Variants in TELO2 observed in about 807,000 individuals in gnomAD.
TELO2 encodes telomere maintenance 2, also known as telomere length regulation protein TEL2 homolog.
Under a neutral mutation model 91.0 loss-of-function variants are expected in TELO2, and 71 were observed. That is an observed-to-expected ratio of 0.78 (90% CI 0.64 to 0.95). TELO2 has a LOEUF of 0.95. Ranked by LOEUF, TELO2 falls within the 40% of genes least tolerant of loss-of-function variation. The pLI is 0.00. For missense variants in TELO2, 1,183 were observed against 1,141.3 expected (o/e 1.04, Z -0.53); for synonymous variants, 584 against 518.9 (o/e 1.13, Z -1.71).
chr16:1,506,245 C>G lies in TELO2; in HGVS notation c.2042C>G (p.Pro681Arg). 1 of 1,613,628 alleles carries G rather than the reference C, an allele frequency of 6.2e-7. No individual in the cohort carries two copies. Residue 681 changes from proline (P) to arginine (R), a missense_variant, in exon 17 of 21, where the codon CCG becomes CGG. Pro to Arg is a moderately radical substitution (Grantham distance 103, BLOSUM62 -2). Coordinates refer to ENST00000262319, the MANE Select transcript of TELO2 (RefSeq NM_016111.4). Reference sequence around the variant, plus strand: ...TGTAGTTGTGTCTGGCAGGGTGGCCCGAGGCAGGGCCCGGCAGGCAGCCCC... The same window carrying G: ...TGTAGTTGTGTCTGGCAGGGTGGCCGGAGGCAGGGCCCGGCAGGCAGCCCC... ...SKTQRLSKGGPRQGPAGSPSR... is the reference protein window; with the variant it reads ...SKTQRLSKGGRRQGPAGSPSR...
chr16:1,502,947 C>A lies in TELO2; in HGVS notation c.1787C>A (p.Thr596Asn). Reference sequence around the variant, plus strand: ...TGTCCTCAGGTGGCCGACTATCTGACCTCACAGTTCTATGCCCTCAACTAC... The same window carrying A: ...TGTCCTCAGGTGGCCGACTATCTGAACTCACAGTTCTATGCCCTCAACTAC... ...TDPAPVADYL[T>N]SQFYALNYSL... The change falls in exon 15 of 21, where the codon ACC (threonine) becomes AAC (asparagine). Residue 596 changes from threonine (T) to asparagine (N), a missense_variant. Coordinates refer to ENST00000262319, the MANE Select transcript of TELO2 (RefSeq NM_016111.4). 1 of 1,611,436 alleles carries A rather than the reference C, an allele frequency of 6.2e-7. No individual in the cohort carries two copies. The highest frequency in any genetic ancestry group is 1.1e-5 in the South Asian group (1 of 91,092).
In TELO2 at chr16:1,505,563, G is replaced by A; in HGVS notation, c.1996G>A (p.Glu666Lys). 2 of 1,612,254 alleles carry A rather than the reference G, an allele frequency of 1.2e-6. No individual in the cohort carries two copies. The highest frequency in any genetic ancestry group is 2.7e-5 in the African/African-American group (2 of 75,036). The change falls in exon 16 of 21, where the codon GAG becomes AAG. Residue 666 changes from glutamate to lysine, a missense_variant. Physicochemically the swap from Glu to Lys is moderately conservative, Grantham distance 56 (BLOSUM62 1). Transcript: ENST00000262319. The surrounding 1 kb of genome is among the most constrained non-coding windows in gnomAD (Gnocchi z 4.3). ...GGCGTCTGACTGGCGGGTGGTGGTG[G>A]AGGAGCGGATCAGAAGCAAGACCCA... The part of the protein sequence containing the change: ...AVASDWRVVV[E>K]ERIRSKTQRL...
chr16:1,495,019 C>T (rs748834270), intron 2 of TELO2, among the ~76,000 whole-genome samples: 30 of 152,180 alleles, frequency 2.0e-4, no homozygotes, highest in Non-Finnish European at 3.5e-4. Context: ...CAGTCCTTGC[C>T]GGGACACTGC....
In TELO2 at chr16:1,505,363, T is replaced by A; in HGVS notation, c.1843-47T>A. ...TGGCTGACTTGACTCTTGGGAAATG[T>A]TCTTCCCTGGAGCAGTGGCGACGGC... is the stretch of plus-strand genomic sequence containing the variant. On this transcript the variant is annotated intron_variant, in intron 15 of 20. Transcript: ENST00000262319. The surrounding 1 kb of genome is among the most constrained non-coding windows in gnomAD (Gnocchi z 4.3). 6.4e-7 allele frequency: 1 copy of A among 1,569,448 alleles called. No homozygotes were observed. Among genetic ancestry groups the A allele is most frequent in the Non-Finnish European group, 8.7e-7 (1 of 1,153,270 alleles).
chr16:1,502,968 A>G lies in TELO2; in HGVS notation c.1808A>G (p.Asn603Ser). The G allele has an allele frequency of 6.2e-7, 1 of 1,611,342 alleles. No individual in the cohort carries two copies. The highest frequency in any genetic ancestry group is 8.5e-7 in the Non-Finnish European group (1 of 1,179,904). The change falls in exon 15 of 21, where the codon AAC (asparagine) becomes AGC (serine). Residue 603 changes from asparagine (N) to serine (S), a missense_variant. Transcript: ENST00000262319. ...DYLTSQFYALNYSLRQRMDIL... is the reference protein window; with the variant it reads ...DYLTSQFYALSYSLRQRMDIL... ...CTGACCTCACAGTTCTATGCCCTCAACTACAGCCTCCGGCAGCGCATGGAC... is the reference window on the plus strand; with the variant it reads ...CTGACCTCACAGTTCTATGCCCTCAGCTACAGCCTCCGGCAGCGCATGGAC...
At chr16:1,495,717 T>G (rs2039466417) in intron 3 of TELO2, 94 bp downstream of exon 3, 2 of 1,471,304 alleles carry the variant, frequency 1.4e-6, no homozygotes, top group Non-Finnish European at 1.8e-6. Flanking sequence ...CTGGAGACTT[T>G]GGAGTCTCTG....
At chr16:1,508,581 G>C (rs1331577841) in intron 20 of TELO2, among the ~76,000 whole-genome samples, 1 of 152,220 alleles carries the variant, frequency 6.6e-6, no homozygotes, top group African/African-American at 2.4e-5. Flanking sequence ...CTTGTGCTCA[G>C]ACCTCTGTGC....
chr16:1,498,137 C>T (rs1432323753), intron 5 of TELO2, among the ~76,000 whole-genome samples: 1 of 152,070 alleles, frequency 6.6e-6, no homozygotes, highest in Non-Finnish European at 1.5e-5. Context: ...GCCTCAGCCT[C>T]CTGAGTAGCT....
chr16:1,508,557 G>A (rs994188450), intron 20 of TELO2, among the ~76,000 whole-genome samples: 8 of 152,238 alleles, frequency 5.3e-5, no homozygotes, highest in African/African-American at 1.9e-4. Context: ...GGTGATACGG[G>A]TCCTTCCCAG....
rs1392609126 is a variant in TELO2 at position 1,509,999 on chromosome 16, T to G, written c.*63T>G. On this transcript the variant is annotated 3_prime_UTR_variant, in exon 21 of 21. Coordinates refer to ENST00000262319, the MANE Select transcript of TELO2 (RefSeq NM_016111.4). ...CAAGGCAGGCGGCTGAGCAGCGGCC[T>G]GGAGCAGCAGAGCCAGGCTTTGTAG... is the stretch of plus-strand genomic sequence containing the variant. 26 of 1,434,548 alleles carry G rather than the reference T, an allele frequency of 1.8e-5. No homozygotes were observed. The highest frequency in any genetic ancestry group is 4.8e-6 in the Non-Finnish European group (5 of 1,047,490). The allele number at this position is 1,434,548 out of a possible 1,614,324, so 88.9% of individuals were successfully genotyped here. A position where few individuals can be genotyped will look rare whatever the true frequency, so the allele number is the denominator to read the frequency against.
Position 1,505,102 on chromosome 16 carries a change from G to C in TELO2, c.1843-308G>C, listed in dbSNP as rs756080983. 58 of 322,642 alleles carry C rather than the reference G, an allele frequency of 1.8e-4. No homozygotes were observed. Among genetic ancestry groups the C allele is most frequent in the Non-Finnish European group, 3.0e-4 (53 of 173,948 alleles). 20.0% of individuals were successfully genotyped at this position (322,642 alleles called of 1,614,324 possible). A position where few individuals can be genotyped will look rare whatever the true frequency, so the allele number is the denominator to read the frequency against. ...GCAGCGTTGCTTTTGCTGTGAGGCC[G>C]ACTTCCTGGGATAAGGGCATGTGGC... On this transcript the variant is annotated intron_variant, in intron 15 of 20. Transcript: ENST00000262319. This position sits in a 1 kb window ranked among gnomAD's most constrained non-coding sequence, Gnocchi z 4.3.
At chr16:1,500,889 G>A (rs1414909115) in intron 9 of TELO2, among the ~76,000 whole-genome samples, 190 bp downstream of exon 9, 1 of 152,252 alleles carries the variant, frequency 6.6e-6, no homozygotes, top group Non-Finnish European at 1.5e-5. Flanking sequence ...GCCACACAGG[G>A]TCGGGTGAGC....
chr16:1,503,040 C>T, intron 15 of TELO2, 38 bp downstream of exon 15: 1 of 1,604,230 alleles, frequency 6.2e-7, no homozygotes. Flanking sequence ...CTGGTCTGGC[C>T]CAAGCTGCCC....
At position 1,506,284 on chromosome 16, in the gene TELO2, C is replaced by A. The variant is rs774221468; in HGVS notation, c.2081C>A (p.Ser694Tyr). The A allele has an allele frequency of 1.7e-5, 27 of 1,613,868 alleles. No individual in the cohort carries two copies. The highest frequency in any genetic ancestry group is 2.3e-5 in the Non-Finnish European group (27 of 1,180,028). ...GCAGGCAGCCCCAGCAGATTCAACT[C>A]CGTGGCCGGCCACTTCTTCTTCCCC... is the stretch of plus-strand genomic sequence containing the variant. ...GPAGSPSRFNSVAGHFFFPLL... is the reference protein window; with the variant it reads ...GPAGSPSRFNYVAGHFFFPLL... Residue 694 changes from serine (S) to tyrosine (Y), a missense_variant, in exon 17 of 21, where the codon TCC (serine) becomes TAC (tyrosine). Transcript: ENST00000262319.
chr16:1,494,688 C>T lies in TELO2; in HGVS notation c.335+72C>T. On this transcript the variant is annotated intron_variant, in intron 2 of 20. Coordinates refer to ENST00000262319, the MANE Select transcript of TELO2 (RefSeq NM_016111.4). The surrounding 1 kb of genome is among the most constrained non-coding windows in gnomAD (Gnocchi z 5.6). ...GATGAGAGTGGCTTGAAGGACTGGA[C>T]CAAGAGCCTCTCTAGTCCCTGTGAG... The T allele has an allele frequency of 6.9e-7, 1 of 1,458,204 alleles. No homozygotes were observed. The highest frequency in any genetic ancestry group is 9.2e-7 in the Non-Finnish European group (1 of 1,084,134). The allele number at this position is 1,458,204 out of a possible 1,614,324, so 90.3% of individuals were successfully genotyped here.
chr16:1,507,830 GTGA>G (rs2039961079), intron 20 of TELO2, 114 bp downstream of exon 20: 3 of 609,664 alleles, frequency 4.9e-6, no homozygotes, highest in Non-Finnish European at 7.0e-6. Context: ...GTGTGTGTGT[GTGA>G]TGTGTGTTGG....
chr16:1,496,187 C>T (rs11248879), intron 3 of TELO2, among the ~76,000 whole-genome samples: 1 of 152,194 alleles, frequency 6.6e-6, no homozygotes, highest in Non-Finnish European at 1.5e-5. Flanking sequence ...GGTCGAGCAC[C>T]TGGGTCCGGA....
intron 7 of TELO2, 31 bp downstream of exon 7, chr16:1,500,195 A>G: frequency 6.3e-7 from 1 of 1,581,284 alleles, no homozygotes; most frequent in Non-Finnish European, 8.6e-7. Context: ...CGTCCCTGCG[A>G]GGCCCTGGGA....
Position 1,506,310 on chromosome 16 carries a change from C to A in TELO2, c.2107C>A (p.Leu703Ile), listed in dbSNP as rs781523413. The A allele has an allele frequency of 6.2e-7, 1 of 1,614,122 alleles. No individual in the cohort carries two copies. The highest frequency in any genetic ancestry group is 8.5e-7 in the Non-Finnish European group (1 of 1,180,010). ...NSVAGHFFFP[L>I]LQRFDRPLVT... is the part of the protein sequence containing the mutation. ...CGTGGCCGGCCACTTCTTCTTCCCC[C>A]TCCTTCAGCGCTTTGACAGGTGAGT... The change falls in exon 17 of 21, where the codon CTC becomes ATC. Residue 703 changes from leucine to isoleucine, a missense_variant. Transcript: ENST00000262319.
Sources: allele counts gnomAD v4.1 joint callset (sites outside exome capture counted in the v4.1 genomes callset), GRCh38; gene constraint gnomAD v4.1.1; non-coding constraint Gnocchi (gnomAD v3.1); transcripts MANE v1.5; gene names NCBI Gene and HGNC (gene_info 2026-07-23, HGNC 2026-07-21).